The following PPP2R2C variants were observed in gnomAD, a reference collection of about 807,000 sequenced individuals.
PPP2R2C encodes the protein protein phosphatase 2 regulatory subunit Bgamma.
PPP2R2C carries 10 observed loss-of-function variants against 45.3 expected under a neutral mutation model. The observed-to-expected ratio is 0.22, with a 90% CI of 0.14 to 0.37. The LOEUF (loss-of-function observed/expected upper bound fraction) is 0.37, where lower values mean the gene tolerates loss of function less well. Among genes scored for constraint, PPP2R2C ranks in the 10% least tolerant of loss-of-function variants. PPP2R2C has a pLI of 1.00. For synonymous variants in PPP2R2C, 257 were observed against 245.4 expected, an observed-to-expected ratio of 1.05 and a Z score of -0.44; for missense variants, 308 against 619.7, an observed-to-expected ratio of 0.50 and a Z score of 5.34.
At chr4:6,333,142 C>T (rs1732547966) in intron 7 of PPP2R2C, among the ~76,000 whole-genome samples, 1 of 152,202 alleles carries the variant, frequency 6.6e-6, no homozygotes, top group African/African-American at 2.4e-5. Flanking sequence ...TTCACCTCTG[C>T]GTGCACTGCT....
chr4:6,371,496 C>A (rs576657956), intron 5 of PPP2R2C, among the ~76,000 whole-genome samples: 1 of 152,340 alleles, frequency 6.6e-6, no homozygotes, highest in East Asian at 1.9e-4. Context: ...GGGAGGCCAT[C>A]CAGTTGCATG....
At chr4:6,527,520 T>TACCATGAGAACACAGTCCCACTCCTCAAC (rs1724253264) in intron 2 of PPP2R2C, among the ~76,000 whole-genome samples, 2 of 148,774 alleles carry the variant, frequency 1.3e-5, no homozygotes, top group African/African-American at 5.0e-5. Flanking sequence ...GCCATGAGAA[T>TACCATGAGAACACAGTCCCACTCCTCAAC]ACCATGAGAA....
intron 1 of PPP2R2C, among the ~76,000 whole-genome samples, chr4:6,457,805 G>A (rs921223037): frequency 2.6e-5 from 4 of 152,134 alleles, no homozygotes; most frequent in Admixed American, 2.6e-4. Context: ...CACAGTGCTC[G>A]CTACTGTTAT....
chr4:6,410,071 G>A (rs1718060858), intron 1 of PPP2R2C, among the ~76,000 whole-genome samples: 3 of 152,154 alleles, frequency 2.0e-5, no homozygotes, highest in South Asian at 4.2e-4. Flanking sequence ...CACACCACTG[G>A]GCAAGCTGGC....
intron 1 of PPP2R2C, among the ~76,000 whole-genome samples, chr4:6,469,077 C>CA (rs142008829): frequency 0.013 from 712 of 56,186 alleles, 40 homozygotes; most frequent in African/African-American, 0.039. Flanking sequence ...GCCCTGCCAC[C>CA]AAAAAAAAAA....
intron 1 of PPP2R2C, among the ~76,000 whole-genome samples, chr4:6,423,858 G>T (rs1206279036): frequency 6.6e-6 from 1 of 152,016 alleles, no homozygotes; most frequent in Non-Finnish European, 1.5e-5. Context: ...GGAAAGGAGT[G>T]CCCTTGTGTG....
At chr4:6,519,628 C>T (rs1443435463) in intron 2 of PPP2R2C, among the ~76,000 whole-genome samples, 1 of 152,248 alleles carries the variant, frequency 6.6e-6, no homozygotes, top group African/African-American at 2.4e-5. Flanking sequence ...CAGCCCCATT[C>T]TGTCCGCACC....
At chr4:6,554,417 C>T (rs1459945752) in intron 1 of PPP2R2C, among the ~76,000 whole-genome samples, 2 of 152,298 alleles carry the variant, frequency 1.3e-5, no homozygotes, top group East Asian at 1.9e-4. Context: ...CTATCGTCTT[C>T]GTCCCAGACT....
At chr4:6,466,111 T>C (rs1461645821) in intron 1 of PPP2R2C, among the ~76,000 whole-genome samples, 6 of 152,224 alleles carry the variant, frequency 3.9e-5, no homozygotes, top group African/African-American at 1.4e-4. Context: ...GCATGGCCCC[T>C]GCCTGTGAAA....
At chr4:6,417,498 C>T (rs1040704661) in intron 1 of PPP2R2C, among the ~76,000 whole-genome samples, 3 of 152,192 alleles carry the variant, frequency 2.0e-5, no homozygotes, top group Admixed American at 6.5e-5. Flanking sequence ...CTGCCCTACA[C>T]ACTGAGAACA....
At chr4:6,509,276 G>C (rs1577227711) in intron 2 of PPP2R2C, among the ~76,000 whole-genome samples, 1 of 152,280 alleles carries the variant, frequency 6.6e-6, no homozygotes, top group East Asian at 1.9e-4. Flanking sequence ...TGAAAGCCTT[G>C]CCTGGCAGCC....
intron 7 of PPP2R2C, 33 bp downstream of exon 7, chr4:6,333,529 C>A (rs1416389033): frequency 3.1e-6 from 5 of 1,601,702 alleles, no homozygotes; most frequent in Non-Finnish European, 4.3e-6. Context: ...GAAAAAAGAC[C>A]CGGGATTGGG....
chr4:6,403,173 C>A (rs1417097184), intron 1 of PPP2R2C, among the ~76,000 whole-genome samples: 1 of 152,214 alleles, frequency 6.6e-6, no homozygotes. Flanking sequence ...AGATTACTGC[C>A]GCTGGCCGGG....
intron 5 of PPP2R2C, among the ~76,000 whole-genome samples, chr4:6,370,712 C>T (rs932619687): frequency 6.6e-6 from 1 of 152,210 alleles, no homozygotes; most frequent in African/African-American, 2.4e-5. Context: ...GATGCTCCAG[C>T]CCCTGAAGCC....
At chr4:6,351,901 C>T (rs1712598951) in intron 5 of PPP2R2C, among the ~76,000 whole-genome samples, 1 of 152,186 alleles carries the variant, frequency 6.6e-6, no homozygotes, top group South Asian at 2.1e-4. Flanking sequence ...ATAGGACCTA[C>T]CCGGGCCTGC....
intron 6 of PPP2R2C, among the ~76,000 whole-genome samples, chr4:6,344,622 A>T (rs1396313664): frequency 2.0e-5 from 3 of 152,186 alleles, no homozygotes; most frequent in Non-Finnish European, 4.4e-5. Flanking sequence ...TTTCTGATTC[A>T]AAGTTCAAAT....
chr4:6,337,229 G>A (rs1057095629), intron 6 of PPP2R2C, among the ~76,000 whole-genome samples: 6 of 144,460 alleles, frequency 4.2e-5, no homozygotes, highest in African/African-American at 7.6e-5. Flanking sequence ...GATGCCTACC[G>A]TAAAGAAAAT....
At position 6,510,999 on chromosome 4, in the gene PPP2R2C, A is replaced by C. The variant is rs868257664; in HGVS notation, c.49+24272T>G. ...CTCAAACAAAAAAAAACAAACAAAC[A>C]AAAAAAAAAACAGAAAATGTTTGTT... On this transcript the variant is annotated intron_variant, in intron 2 of 9. Transcript: ENST00000506140. Among the ~76,000 whole-genome samples, 125 of 30,552 alleles carry C rather than the reference A, an allele frequency of 4.1e-3. 5 individuals carry two copies. Among genetic ancestry groups the C allele is most frequent in the Middle Eastern group, 0.033 (2 of 60 alleles). 20.0% of individuals were successfully genotyped at this position (30,552 alleles called of 152,430 possible). A position where few individuals can be genotyped will look rare whatever the true frequency, so the allele number is the denominator to read the frequency against.
At chr4:6,511,832 TG>T (rs1338046311) in intron 2 of PPP2R2C, among the ~76,000 whole-genome samples, 1 of 93,340 alleles carries the variant, frequency 1.1e-5, no homozygotes, top group Admixed American at 1.1e-4. Context: ...GTGGTGGTGG[TG>T]GTGATGGTGG....
Sources: gnomAD v4.1 joint callset for allele counts (sites outside exome capture counted in the v4.1 genomes callset) on GRCh38, gnomAD v4.1.1 for gene constraint, MANE v1.5 for transcripts, NCBI Gene and HGNC (gene_info 2026-07-23, HGNC 2026-07-21) for gene names.